PTPRK: variants seen among roughly 807,000 people sequenced by gnomAD.
PTPRK encodes the protein receptor-type tyrosine-protein phosphatase kappa.
PTPRK carries 75 observed loss-of-function variants against 178.0 expected under a neutral mutation model. The observed-to-expected ratio is 0.42, with a 90% CI of 0.35 to 0.51. The LOEUF is 0.51. PTPRK is among the 20% of genes least tolerant of loss of function. The probability of loss-of-function intolerance (pLI) is 0.02; values close to 1 mark genes in which losing one functional copy is unlikely to be tolerated. For synonymous variants in PTPRK, 637 were observed against 620.6 expected (o/e 1.03, Z -0.39); for missense variants, 1,441 against 1,797.8 (o/e 0.80, Z 3.59).
intron 7 of PTPRK, among the ~76,000 whole-genome samples, chr6:128,159,058 G>A (rs746707781): frequency 4.0e-5 from 6 of 151,096 alleles, no homozygotes; most frequent in Non-Finnish European, 7.4e-5. Flanking sequence ...AACATATATG[G>A]GGTAGTCAAT....
intron 1 of PTPRK, among the ~76,000 whole-genome samples, chr6:128,439,319 A>G (rs1426708865): frequency 1.3e-5 from 2 of 152,234 alleles, no homozygotes; most frequent in East Asian, 3.8e-4. Flanking sequence ...CAATGAGTGC[A>G]GAAACTTTGA....
chr6:128,289,301 A>G (rs1313744051), intron 3 of PTPRK, among the ~76,000 whole-genome samples: 1 of 152,098 alleles, frequency 6.6e-6, no homozygotes, highest in Non-Finnish European at 1.5e-5. Context: ...AGAAATGTCC[A>G]ATTATATTGT....
chr6:128,427,004 A>G (rs1844221542), intron 1 of PTPRK, among the ~76,000 whole-genome samples: 1 of 152,188 alleles, frequency 6.6e-6, no homozygotes, highest in Non-Finnish European at 1.5e-5. Flanking sequence ...AAAACATAAC[A>G]CATGAATAAG....
At chr6:128,234,391 C>CA (rs1030011163) in intron 5 of PTPRK, among the ~76,000 whole-genome samples, 2 of 152,106 alleles carry the variant, frequency 1.3e-5, no homozygotes, top group African/African-American at 4.8e-5. Flanking sequence ...TAATCTTTGA[C>CA]AAATGTCTGT....
intron 5 of PTPRK, among the ~76,000 whole-genome samples, chr6:128,239,785 C>G (rs1482260681): frequency 6.6e-6 from 1 of 152,120 alleles, no homozygotes; most frequent in Non-Finnish European, 1.5e-5. Context: ...TTGAATATAA[C>G]AGAGAGAATT....
rs558023678 is a variant in PTPRK at position 128,225,239 on chromosome 6, T to A, written c.694-6143A>T. On this transcript the variant is annotated intron_variant, in intron 5 of 29. Coordinates refer to ENST00000368226, the MANE Select transcript of PTPRK (RefSeq NM_002844.4). ...TCATTGACTTTCATATATCATTGAC[T>A]ATCATATGTCATTGACATAATGATA... 6.6e-5 allele frequency among the ~76,000 whole-genome samples: 10 copies of A among 152,312 alleles called. No individual in the cohort carries two copies. In the East Asian group the frequency reaches 1.9e-3, roughly 29 times the overall value.
At chr6:128,108,196 TA>T (rs1271019659) in intron 7 of PTPRK, among the ~76,000 whole-genome samples, 1 of 152,036 alleles carries the variant, frequency 6.6e-6, no homozygotes, top group East Asian at 1.9e-4. Flanking sequence ...ATTGACTTTT[TA>T]AAAATCGTAC....
At chr6:128,043,983 G>A (rs1017178592) in intron 13 of PTPRK, among the ~76,000 whole-genome samples, 6 of 151,844 alleles carry the variant, frequency 4.0e-5, no homozygotes, top group African/African-American at 1.4e-4. Flanking sequence ...GCCTACAAAA[G>A]AAACTAGGAA....
intron 3 of PTPRK, among the ~76,000 whole-genome samples, chr6:128,285,196 T>G (rs1004315240): frequency 6.6e-6 from 1 of 152,204 alleles, no homozygotes; most frequent in African/African-American, 2.4e-5. Context: ...GGTCATGATC[T>G]GAGAATCTGA....
intron 1 of PTPRK, among the ~76,000 whole-genome samples, chr6:128,466,191 C>T (rs944443996): frequency 6.6e-6 from 1 of 152,136 alleles, no homozygotes; most frequent in Non-Finnish European, 1.5e-5. Flanking sequence ...TGTCAGTTTA[C>T]TTGGCTGAAT....
intron 7 of PTPRK, among the ~76,000 whole-genome samples, chr6:128,103,247 T>C (rs2114279051): frequency 6.6e-6 from 1 of 152,172 alleles, no homozygotes; most frequent in East Asian, 1.9e-4. Context: ...CTCCACCCCC[T>C]TTCCGGGTCC....
At chr6:128,477,267 T>C (rs1009601304) in intron 1 of PTPRK, among the ~76,000 whole-genome samples, 1 of 151,966 alleles carries the variant, frequency 6.6e-6, no homozygotes, top group Non-Finnish European at 1.5e-5. Context: ...AAGGTAACAT[T>C]ATTTTCATGG....
chr6:128,343,880 T>C (rs1584267196), intron 2 of PTPRK, among the ~76,000 whole-genome samples: 1 of 152,232 alleles, frequency 6.6e-6, no homozygotes, highest in African/African-American at 2.4e-5. Flanking sequence ...CAATTTTGTA[T>C]GTTTTTCTAA....
chr6:128,157,607 T>A (rs1798115436), intron 7 of PTPRK, among the ~76,000 whole-genome samples: 1 of 152,012 alleles, frequency 6.6e-6, no homozygotes, highest in Non-Finnish European at 1.5e-5. Flanking sequence ...AAATAATATT[T>A]AAAGTATCTA....
intron 6 of PTPRK, among the ~76,000 whole-genome samples, chr6:128,204,587 A>C (rs562405288): frequency 1.3e-5 from 2 of 152,224 alleles, no homozygotes; most frequent in East Asian, 3.9e-4. Context: ...AAACAACTCC[A>C]TTAAAAAGTA....
At chr6:128,464,651 A>ATGTATATGTG (rs1313615699) in intron 1 of PTPRK, among the ~76,000 whole-genome samples, 2 of 98,220 alleles carry the variant, frequency 2.0e-5, no homozygotes, top group African/African-American at 9.7e-5. Context: ...ATATATATAT[A>ATGTATATGTG]TATATATATA....
chr6:128,494,334 T>C (rs1204037795), intron 1 of PTPRK, among the ~76,000 whole-genome samples: 1 of 152,060 alleles, frequency 6.6e-6, no homozygotes, highest in Non-Finnish European at 1.5e-5. Flanking sequence ...ATTTAGTAGA[T>C]TTTAAATTTA....
At chr6:128,295,733 T>G (rs974609401) in intron 3 of PTPRK, among the ~76,000 whole-genome samples, 15 of 152,100 alleles carry the variant, frequency 9.9e-5, no homozygotes, top group African/African-American at 3.1e-4. Context: ...CATCTACATA[T>G]TAAGGTGATT....
Position 128,468,673 on chromosome 6 carries a change from T to C in PTPRK, c.100+51586A>G, listed in dbSNP as rs116600469. ...GTGGACAACACCAAAACCTCCATGT[T>C]GGTAATTCATATTTAGACATGTCCA... On this transcript the variant is annotated intron_variant, in intron 1 of 29. Coordinates refer to ENST00000368226, the MANE Select transcript of PTPRK (RefSeq NM_002844.4). 9.1e-3 allele frequency among the ~76,000 whole-genome samples: 1,388 copies of C among 152,232 alleles called. 22 individuals are homozygous for C. Among genetic ancestry groups the C allele is most frequent in the African/African-American group, 0.031 (1,308 of 41,556 alleles).
Sources: gnomAD v4.1 joint callset for allele counts (sites outside exome capture counted in the v4.1 genomes callset) on GRCh38, gnomAD v4.1.1 for gene constraint, MANE v1.5 for transcripts, NCBI Gene and HGNC (gene_info 2026-07-23, HGNC 2026-07-21) for gene names.